PTPRT: variants seen among roughly 807,000 people sequenced by gnomAD.
The protein encoded by PTPRT is receptor-type tyrosine-protein phosphatase T.
A neutral mutation model predicts 176.8 loss-of-function variants in PTPRT; 56 were observed. The observed-to-expected ratio is 0.32, with a 90% confidence interval of 0.26 to 0.40. PTPRT has a LOEUF of 0.40. Ranked by LOEUF, PTPRT falls within the 10% of genes least tolerant of loss-of-function variation. PTPRT has a pLI of 1.00. For synonymous variants in PTPRT, 783 were observed against 739.0 expected, an observed-to-expected ratio of 1.06 and a Z score of -0.96; for missense variants, 1,540 against 1,908.2, an observed-to-expected ratio of 0.81 and a Z score of 3.60.
chr20:42,393,501 G>A (rs1042730821), intron 9 of PTPRT, among the ~76,000 whole-genome samples: 31 of 150,982 alleles, frequency 2.1e-4, no homozygotes, highest in Non-Finnish European at 4.4e-5. Flanking sequence ...TCAGATTACA[G>A]TGTGTGTCAG....
chr20:42,347,140 G>C (rs772600508), intron 11 of PTPRT, among the ~76,000 whole-genome samples: 5 of 152,310 alleles, frequency 3.3e-5, no homozygotes, highest in African/African-American at 4.8e-5. Context: ...TCAGTTTCCT[G>C]CTCCAAAATG....
intron 1 of PTPRT, among the ~76,000 whole-genome samples, chr20:43,102,199 A>T (rs924654290): frequency 2.0e-5 from 3 of 151,870 alleles, no homozygotes; most frequent in Admixed American, 1.3e-4. Flanking sequence ...AGACCATAGC[A>T]TATGTCTCAT....
chr20:42,051,264 T>C, the PTPRT span, among the ~76,000 whole-genome samples: 2 of 152,180 alleles, frequency 1.3e-5, no homozygotes, highest in Admixed American at 6.5e-5. Flanking sequence ...TTTGGAGGTC[T>C]CTATGAGACA....
intron 7 of PTPRT, among the ~76,000 whole-genome samples, chr20:42,536,917 T>C (rs1346473373): frequency 2.0e-5 from 3 of 152,046 alleles, no homozygotes; most frequent in Non-Finnish European, 2.9e-5. Flanking sequence ...ATCAAGAGCA[T>C]TTTTTTGCAA....
intron 15 of PTPRT, among the ~76,000 whole-genome samples, chr20:42,213,046 AG>A (rs2055682317): frequency 6.6e-6 from 1 of 152,074 alleles, no homozygotes; most frequent in Non-Finnish European, 1.5e-5. Context: ...TGTGCCACTA[AG>A]CTTGAGCACC....
chr20:42,691,499 G>A (rs1330702392), intron 6 of PTPRT, among the ~76,000 whole-genome samples: 5 of 152,200 alleles, frequency 3.3e-5, no homozygotes, highest in African/African-American at 9.7e-5. Flanking sequence ...CGACTGCTCT[G>A]AAGTGTCAGG....
intron 12 of PTPRT, among the ~76,000 whole-genome samples, chr20:42,300,345 G>A (rs8126029): frequency 0.27 from 40,908 of 151,322 alleles, 5,792 homozygotes; most frequent in African/African-American, 0.35. Flanking sequence ...AGAATCAGTG[G>A]TACTCACTAA....
At chr20:42,149,440 G>T (rs866664684) in intron 17 of PTPRT, among the ~76,000 whole-genome samples, 5 of 127,286 alleles carry the variant, frequency 3.9e-5, no homozygotes, top group African/African-American at 2.1e-4. Flanking sequence ...TTTTTTTTGA[G>T]ATGATGGAAT....
Position 43,177,118 on chromosome 20 carries a change from G to T in PTPRT, c.88+12528C>A, listed in dbSNP as rs138993528. Among the ~76,000 whole-genome samples, 270 of 152,322 alleles carry T rather than the reference G, an allele frequency of 1.8e-3. 12 individuals carry two copies. In the East Asian group the frequency reaches 0.043, roughly 24 times the overall value. On this transcript the variant is annotated intron_variant, in intron 1 of 30. Coordinates refer to ENST00000373187, the MANE Select transcript of PTPRT (RefSeq NM_007050.6). ...CAATGACGCCATTGGTGTCAGAAGT[G>T]GGACAGACATGAAGAGCCCACCACA...
At chr20:43,152,334 C>T (rs1054145350) in intron 1 of PTPRT, among the ~76,000 whole-genome samples, 1 of 152,144 alleles carries the variant, frequency 6.6e-6, no homozygotes, top group Non-Finnish European at 1.5e-5. Context: ...CTCAAATGGG[C>T]TTGTATTACT....
At chr20:42,082,309 T>C (rs544274806) in intron 29 of PTPRT, among the ~76,000 whole-genome samples, 8 of 152,340 alleles carry the variant, frequency 5.3e-5, no homozygotes, top group Admixed American at 4.6e-4. Flanking sequence ...TGATGTTTTC[T>C]TGGTTCTATG....
At chr20:43,031,971 G>T (rs1986156704) in intron 1 of PTPRT, among the ~76,000 whole-genome samples, 1 of 152,168 alleles carries the variant, frequency 6.6e-6, no homozygotes, top group African/African-American at 2.4e-5. Context: ...ACTTGGCTTG[G>T]AAGGGAGCTC....
chr20:42,768,234 T>A (rs868191207), intron 5 of PTPRT, among the ~76,000 whole-genome samples: 8 of 152,126 alleles, frequency 5.3e-5, no homozygotes, highest in Admixed American at 3.9e-4. Flanking sequence ...ACTTACCAGA[T>A]ACGTTTCAAG....
intron 1 of PTPRT, among the ~76,000 whole-genome samples, chr20:43,169,545 A>C (rs986942592): frequency 1.3e-5 from 2 of 152,206 alleles, no homozygotes; most frequent in African/African-American, 2.4e-5. Context: ...ACAGGGTCCA[A>C]ACTGTCATTT....
At chr20:42,620,064 T>G (rs1011758822) in intron 7 of PTPRT, among the ~76,000 whole-genome samples, 1 of 149,012 alleles carries the variant, frequency 6.7e-6, no homozygotes, top group Admixed American at 6.6e-5. Flanking sequence ...TTCCCCATCT[T>G]TGTGGTTTTA....
rs150509094 is a variant in PTPRT at position 42,813,427 on chromosome 20, C to T, written c.215-21961G>A. ...TGCCCCCTCCCTTCCTCTCTTCCTC[C>T]CTCCCTCTTTTCCTTCTTTCCTTCC... On this transcript the variant is annotated intron_variant, in intron 2 of 30. Coordinates refer to ENST00000373187, the MANE Select transcript of PTPRT (RefSeq NM_007050.6). Among the ~76,000 whole-genome samples the T allele has an allele frequency of 2.6e-5, 4 of 150,992 alleles. No individual in the cohort carries two copies. The East Asian group carries it at 5.8e-4, about 22-fold the overall frequency.
intron 1 of PTPRT, among the ~76,000 whole-genome samples, chr20:43,178,087 C>T (rs184322437): frequency 5.3e-5 from 8 of 152,292 alleles, no homozygotes; most frequent in South Asian, 4.1e-4. Flanking sequence ...TGGGTGTTTG[C>T]GTGATTAAGC....
In PTPRT at chr20:42,199,399, T is replaced by C. The variant is rs777391332; in HGVS notation, c.2343-11A>G. ...TTCTTGGCCAGCTTCCTTTGGGACA[T>C]GTGCAAGGGGAAAAAACCACAGTCA... On this transcript the variant is annotated splice_polypyrimidine_tract_variant and intron_variant, in intron 15 of 30. Transcript: ENST00000373187. 10 of 1,612,114 alleles carry C rather than the reference T, an allele frequency of 6.2e-6. No homozygotes were observed. The South Asian group carries it at 6.6e-5, about 11-fold the overall frequency.
chr20:43,083,340 AT>A (rs2011502430), intron 1 of PTPRT, among the ~76,000 whole-genome samples: 1 of 107,304 alleles, frequency 9.3e-6, no homozygotes, highest in African/African-American at 3.2e-5. Context: ...ATATATATAT[AT>A]ATATATATAT....
Sources: gnomAD v4.1 joint callset for allele counts (sites outside exome capture counted in the v4.1 genomes callset) on GRCh38, gnomAD v4.1.1 for gene constraint, MANE v1.5 for transcripts, NCBI Gene and HGNC (gene_info 2026-07-23, HGNC 2026-07-21) for gene names.